The following DNER variants were observed in gnomAD, a reference collection of about 807,000 sequenced individuals.
DNER encodes delta and Notch-like epidermal growth factor-related receptor.
In DNER, 33 loss-of-function variants were observed where a neutral mutation model predicts 78.2. The ratio of observed to expected loss-of-function variants is 0.42; its 90% CI spans 0.32 to 0.56. The LOEUF (loss-of-function observed/expected upper bound fraction) is 0.56. Among genes scored for constraint, DNER ranks in the 20% least tolerant of loss-of-function variants. The pLI is 0.11. For synonymous variants in DNER, 417 were observed against 384.8 expected (o/e 1.08, Z -0.98); for missense variants, 918 against 975.3 (o/e 0.94, Z 0.78).
Position 229,413,543 on chromosome 2 carries a change from G to A in DNER, c.1609+4565C>T, listed in dbSNP as rs528485243. Among the ~76,000 whole-genome samples the A allele has an allele frequency of 3.0e-3, 455 of 151,050 alleles. 1 individual carries two copies. The highest frequency in any genetic ancestry group is 0.01 in the African/African-American group (431 of 41,286). On this transcript the variant is annotated intron_variant, in intron 9 of 12. Transcript: ENST00000341772. ...TCACCATGTTAGCCAGGCTGGTCTCGAACTCCTGACCTCATTATCTGCCGG... is the reference window on the plus strand; with the variant it reads ...TCACCATGTTAGCCAGGCTGGTCTCAAACTCCTGACCTCATTATCTGCCGG...
chr2:229,366,902 G>T lies in DNER; in HGVS notation c.2073C>A (p.Ser691Arg). ...YNCRSIDSEF[S>R]NAIASIRHAR... Reference sequence around the variant, plus strand: ...CATGCCGGATGGATGCAATGGCATTGCTGAACTCGCTGTCGATGCTGCGGC... The same window carrying T: ...CATGCCGGATGGATGCAATGGCATTTCTGAACTCGCTGTCGATGCTGCGGC... Residue 691 changes from serine (S) to arginine (R), a missense_variant, in exon 12 of 13, where the codon AGC becomes AGA. Ser to Arg is a moderately radical substitution (Grantham distance 110). Coordinates refer to ENST00000341772, the MANE Select transcript of DNER (RefSeq NM_139072.4). 6.2e-7 allele frequency: 1 copy of T among 1,614,216 alleles called. No homozygotes were observed. Among genetic ancestry groups the T allele is most frequent in the Non-Finnish European group, 8.5e-7 (1 of 1,180,044 alleles).
At chr2:229,544,149 T>C (rs1349465623) in intron 5 of DNER, among the ~76,000 whole-genome samples, 3 of 152,208 alleles carry the variant, frequency 2.0e-5, no homozygotes, top group East Asian at 1.9e-4. Context: ...GCCATGACTC[T>C]CATAGAAGAA....
intron 9 of DNER, among the ~76,000 whole-genome samples, chr2:229,414,493 G>A (rs1693599943): frequency 6.6e-6 from 1 of 152,086 alleles, no homozygotes; most frequent in Non-Finnish European, 1.5e-5. Context: ...CTGACTTCAG[G>A]TGATCTGCCC....
chr2:229,378,023 T>A (rs748676549), intron 11 of DNER, among the ~76,000 whole-genome samples: 8 of 152,086 alleles, frequency 5.3e-5, no homozygotes, highest in African/African-American at 1.9e-4. Context: ...GTAGGAGAGT[T>A]GACAATTGAG....
At chr2:229,654,296 T>G (rs914393472) in intron 1 of DNER, among the ~76,000 whole-genome samples, 1 of 152,140 alleles carries the variant, frequency 6.6e-6, no homozygotes, top group Non-Finnish European at 1.5e-5. Context: ...ATCCCATTAC[T>G]GGGTATATAC....
intron 1 of DNER, among the ~76,000 whole-genome samples, chr2:229,657,416 C>T (rs1698931206): frequency 6.6e-6 from 1 of 151,982 alleles, no homozygotes; most frequent in South Asian, 2.1e-4. Flanking sequence ...GGTTCTATAC[C>T]TTGTCTACTG....
intron 7 of DNER, among the ~76,000 whole-genome samples, chr2:229,455,719 C>T (rs952861876): frequency 6.6e-6 from 1 of 152,006 alleles, no homozygotes; most frequent in African/African-American, 2.4e-5. Context: ...TGTACAGGCT[C>T]GAAAGGACAA....
chr2:229,648,690 A>G (rs1346235977), intron 1 of DNER, among the ~76,000 whole-genome samples: 5 of 152,222 alleles, frequency 3.3e-5, no homozygotes, highest in Non-Finnish European at 7.3e-5. Context: ...ACTTCTCAGC[A>G]TATGCATAAG....
At chr2:229,457,262 G>A (rs1467615362) in intron 7 of DNER, among the ~76,000 whole-genome samples, 1 of 151,978 alleles carries the variant, frequency 6.6e-6, no homozygotes, top group Non-Finnish European at 1.5e-5. Flanking sequence ...GTCTGGGGGA[G>A]TAAATATTCA....
At chr2:229,485,682 G>A (rs188355286) in intron 6 of DNER, among the ~76,000 whole-genome samples, 4 of 152,162 alleles carry the variant, frequency 2.6e-5, no homozygotes, top group African/African-American at 4.8e-5. Context: ...AGGTGTAAGC[G>A]AAGTTAGCTA....
At chr2:229,387,931 C>T (rs1270283816) in intron 11 of DNER, among the ~76,000 whole-genome samples, 4 of 151,286 alleles carry the variant, frequency 2.6e-5, no homozygotes, top group East Asian at 3.9e-4. Flanking sequence ...TTTTTTGATA[C>T]GATTCTAATG....
intron 4 of DNER, among the ~76,000 whole-genome samples, chr2:229,547,997 A>G (rs533998271): frequency 6.7e-4 from 102 of 152,338 alleles, no homozygotes; most frequent in African/African-American, 2.4e-3. Flanking sequence ...TTTTAATTTT[A>G]AAACAAAATA....
At chr2:229,615,011 G>A (rs1157861309) in intron 1 of DNER, among the ~76,000 whole-genome samples, 2 of 152,076 alleles carry the variant, frequency 1.3e-5, no homozygotes, top group Non-Finnish European at 2.9e-5. Flanking sequence ...TTCTTAGAAG[G>A]GTAAATGGGA....
intron 6 of DNER, among the ~76,000 whole-genome samples, chr2:229,483,838 G>A (rs1483545436): frequency 2.6e-5 from 4 of 151,956 alleles, no homozygotes; most frequent in Admixed American, 6.6e-5. Flanking sequence ...CTAAAACTTC[G>A]CTCTTATTTC....
intron 4 of DNER, among the ~76,000 whole-genome samples, chr2:229,581,662 T>C (rs991501916): frequency 6.6e-6 from 1 of 152,162 alleles, no homozygotes; most frequent in African/African-American, 2.4e-5. Flanking sequence ...AGGAAAACCA[T>C]AAAGAAATGA....
chr2:229,431,402 T>C (rs1210012391), intron 8 of DNER, among the ~76,000 whole-genome samples: 1 of 152,202 alleles, frequency 6.6e-6, no homozygotes, highest in African/African-American at 2.4e-5. Flanking sequence ...CTAGCCATGT[T>C]GATCTAAACA....
intron 10 of DNER, among the ~76,000 whole-genome samples, chr2:229,403,150 T>A (rs1693304429): frequency 6.6e-6 from 1 of 152,142 alleles, no homozygotes; most frequent in Non-Finnish European, 1.5e-5. Flanking sequence ...AGCAGAGAGT[T>A]TTTGAACACT....
At position 229,357,695 on chromosome 2, in the gene DNER, A is replaced by C. The variant is rs1468378773; in HGVS notation, c.*845T>G. ...GCAAGAATCAGAAGAAGCACATATC[A>C]ATCAAATACAGCCACAAAAACATCC... On this transcript the variant is annotated 3_prime_UTR_variant, in exon 13 of 13. Transcript: ENST00000341772. 6.6e-6 allele frequency: 1 copy of C among 152,242 alleles called. No individual in the cohort carries two copies. Among genetic ancestry groups the C allele is most frequent in the South Asian group, 2.1e-4 (1 of 4,826 alleles). 9.4% of individuals were successfully genotyped at this position (152,242 alleles called of 1,614,324 possible). A position where few individuals can be genotyped will look rare whatever the true frequency, so the allele number is the denominator to read the frequency against.
intron 7 of DNER, 38 bp from the exon 8 acceptor site, chr2:229,447,578 C>T (rs745800636): frequency 1.3e-5 from 20 of 1,582,642 alleles, no homozygotes; most frequent in East Asian, 4.5e-5. Flanking sequence ...AAAACTAAAA[C>T]ACATTTGCAC....
Sources: allele counts gnomAD v4.1 joint callset (sites outside exome capture counted in the v4.1 genomes callset), GRCh38; gene constraint gnomAD v4.1.1; transcripts MANE v1.5; gene names NCBI Gene and HGNC (gene_info 2026-07-23, HGNC 2026-07-21).